Variants in RCC1L observed in about 807,000 individuals in gnomAD.
The protein encoded by RCC1L is RCC1 like, also known as RCC1-like G exchanging factor-like protein.
In RCC1L, 46 loss-of-function variants were observed where a neutral mutation model predicts 58.6. That is an observed-to-expected ratio of 0.79 (90% CI 0.62 to 1.00). The LOEUF is 1.00. Ranked by LOEUF, RCC1L falls within the 50% of genes least tolerant of loss-of-function variation. The pLI, the probability that RCC1L is intolerant of heterozygous loss-of-function variation, is 0.00. For synonymous variants in RCC1L, 281 were observed against 262.9 expected, an observed-to-expected ratio of 1.07 and a Z score of -0.67; for missense variants, 636 against 623.6, an observed-to-expected ratio of 1.02 and a Z score of -0.21.
downstream of RCC1L, among the ~76,000 whole-genome samples, chr7:75,038,530 T>C (rs977757722): frequency 1.6e-5 from 2 of 127,126 alleles, no homozygotes; most frequent in African/African-American, 5.8e-5. Flanking sequence ...GCTTCCCGCC[T>C]TTTTTTTTTT....
chr7:75,039,134 C>T (rs1042397304), downstream of RCC1L, among the ~76,000 whole-genome samples: 5 of 152,244 alleles, frequency 3.3e-5, no homozygotes. Context: ...GCCACTGCAC[C>T]TGGCCTCCCA....
rs1018126639 is a variant in RCC1L, at chr7:75,046,067, C to T, written c.1318-2958G>A. Among the ~76,000 whole-genome samples, 124 of 152,354 alleles carry T rather than the reference C, an allele frequency of 8.1e-4. 1 individual carries two copies. The highest frequency in any genetic ancestry group is 2.6e-3 in the African/African-American group (110 of 41,588). ...GCCCTAAAAGCCGAGAGGCGGCAGG[C>T]GCCGACCCCGGAGCTTTGCACCTAC... On this transcript the variant is annotated intron_variant, in intron 10 of 10. Coordinates refer to ENST00000610322, the MANE Select transcript of RCC1L (RefSeq NM_030798.5).
At chr7:75,070,271 C>T (rs1806671705) in intron 2 of RCC1L, among the ~76,000 whole-genome samples, 2 of 152,112 alleles carry the variant, frequency 1.3e-5, no homozygotes, top group African/African-American at 4.8e-5. Context: ...TAACCATGTT[C>T]TTGAACACCA....
chr7:75,043,281 C>G (rs1254428757), intron 10 of RCC1L, among the ~76,000 whole-genome samples, 172 bp from the exon 11 acceptor site: 2 of 151,908 alleles, frequency 1.3e-5, no homozygotes, highest in Admixed American at 1.3e-4. Context: ...AGCCTCGGCT[C>G]CCTACCCTCT....
chr7:75,073,290 G>A (rs1806832249), intron 1 of RCC1L, 124 bp downstream of exon 1: 3 of 462,316 alleles, frequency 6.5e-6, no homozygotes, highest in African/African-American at 6.1e-5. Context: ...CCAGCTCGAG[G>A]GTCGTCCTGC....
At chr7:75,044,705 ATTAACTT>A (rs1195705702) in intron 10 of RCC1L, among the ~76,000 whole-genome samples, 2 of 147,660 alleles carry the variant, frequency 1.4e-5, no homozygotes, top group Non-Finnish European at 3.0e-5. Flanking sequence ...CTGATTTCTT[ATTAACTT>A]TCCAGAGGTT....
intron 10 of RCC1L, among the ~76,000 whole-genome samples, chr7:75,030,125 T>C (rs1394843666): frequency 6.6e-6 from 1 of 152,160 alleles, no homozygotes; most frequent in Non-Finnish European, 1.5e-5. Flanking sequence ...TGGCTGTCAC[T>C]ATAAGGGAAG....
intron 4 of RCC1L, among the ~76,000 whole-genome samples, chr7:75,064,324 A>G (rs1584501800): frequency 8.8e-5 from 6 of 68,034 alleles, no homozygotes; most frequent in African/African-American, 2.6e-4. Context: ...GCAAGAGTCC[A>G]TCTCAAAAAA....
intron 8 of RCC1L, chr7:75,056,741 G>T: frequency 6.5e-7 from 1 of 1,534,374 alleles, no homozygotes; most frequent in Non-Finnish European, 8.7e-7. Flanking sequence ...ATAAATCGCA[G>T]ACTATTCGCT....
chr7:75,059,906 G>A (rs1015982710), intron 6 of RCC1L, among the ~76,000 whole-genome samples: 8 of 152,162 alleles, frequency 5.3e-5, no homozygotes, highest in East Asian at 1.9e-4. Context: ...GACTACAGGC[G>A]CCCGCCACCA....
intron 8 of RCC1L, among the ~76,000 whole-genome samples, chr7:75,056,289 G>T (rs1425335839): frequency 1.3e-5 from 2 of 152,014 alleles, no homozygotes; most frequent in Non-Finnish European, 2.9e-5. Flanking sequence ...TGCTGGGGGA[G>T]TCTGTCTCGC....
At chr7:75,032,736 C>T (rs1273733833) in intron 10 of RCC1L, among the ~76,000 whole-genome samples, 1 of 152,106 alleles carries the variant, frequency 6.6e-6, no homozygotes, top group Non-Finnish European at 1.5e-5. Flanking sequence ...GCTTTTATGC[C>T]TGGGGTCTGA....
chr7:75,045,168 C>T (rs1206512276), intron 10 of RCC1L, among the ~76,000 whole-genome samples: 1 of 150,916 alleles, frequency 6.6e-6, no homozygotes, highest in Non-Finnish European at 1.5e-5. Context: ...GCCACCATGC[C>T]TGGCTAATTT....
At chr7:75,030,301 G>A (rs1484026095) in intron 10 of RCC1L, among the ~76,000 whole-genome samples, 1 of 152,232 alleles carries the variant, frequency 6.6e-6, no homozygotes, top group Non-Finnish European at 1.5e-5. Flanking sequence ...CCTGAGATAT[G>A]GGACTGGCTC....
chr7:75,055,636 G>A (rs868915880), intron 9 of RCC1L: 2 of 494,742 alleles, frequency 4.0e-6, no homozygotes, highest in Non-Finnish European at 7.5e-6. Flanking sequence ...TACCACCGAC[G>A]GGTGCTCTCT....
At chr7:75,049,482 C>G (rs1459209483) in intron 10 of RCC1L, among the ~76,000 whole-genome samples, 1 of 151,496 alleles carries the variant, frequency 6.6e-6, no homozygotes, top group Non-Finnish European at 1.5e-5. Context: ...AAGACCCCGT[C>G]TCTTAAAAAA....
downstream of RCC1L, among the ~76,000 whole-genome samples, chr7:75,040,271 C>A (rs1448063362): frequency 2.0e-5 from 3 of 152,130 alleles, no homozygotes; most frequent in Admixed American, 2.0e-4. Context: ...ACCAGCCTGG[C>A]CAACATAACA....
intron 8 of RCC1L, 125 bp downstream of exon 8, chr7:75,057,404 A>G (rs1471675373): frequency 1.1e-6 from 1 of 918,852 alleles, no homozygotes; most frequent in Admixed American, 2.0e-5. Flanking sequence ...GATGTGAGCC[A>G]CCGCGCCCAG....
chr7:75,066,180 A>G (rs1204977846), intron 3 of RCC1L, among the ~76,000 whole-genome samples: 5 of 152,132 alleles, frequency 3.3e-5, no homozygotes, highest in South Asian at 2.1e-4. Context: ...GGCCAGGTGC[A>G]GTGGCTCACG....
Sources: allele counts gnomAD v4.1 joint callset (sites outside exome capture counted in the v4.1 genomes callset), GRCh38; gene constraint gnomAD v4.1.1; transcripts MANE v1.5; gene names NCBI Gene and HGNC (gene_info 2026-07-23, HGNC 2026-07-21).